The following NAALADL2 variants were observed in gnomAD, a reference collection of about 807,000 sequenced individuals.
NAALADL2 encodes N-acetylated alpha-linked acidic dipeptidase like 2.
NAALADL2 carries 76 observed loss-of-function variants against 87.2 expected under a neutral mutation model. The observed-to-expected ratio is 0.87, with a 90% CI of 0.72 to 1.05. The LOEUF is 1.05. Among genes scored for constraint, NAALADL2 ranks in the 50% least tolerant of loss-of-function variants. The pLI, the probability that NAALADL2 is intolerant of heterozygous loss-of-function variation, is 0.00. For missense variants in NAALADL2, 1,089 were observed against 945.8 expected (o/e 1.15, Z -1.99); for synonymous variants, 354 against 331.0 (o/e 1.07, Z -0.75).
chr3:175,573,816 G>T (rs1718452187), intron 9 of NAALADL2, among the ~76,000 whole-genome samples: 1 of 152,156 alleles, frequency 6.6e-6, no homozygotes, highest in Non-Finnish European at 1.5e-5. Flanking sequence ...GAAGCAAATT[G>T]CTGGTGGGGG....
In NAALADL2 at chr3:174,476,157, G is replaced by T; in HGVS notation, c.-184+35125G>T. ...GAGAATAACATCATAACTTGTCAAA[G>T]ACCCCATGAAAATTTATTAATGTGT... On this transcript the variant is annotated intron_variant, in intron 1 of 3. Transcript: ENST00000434257. Among the ~76,000 whole-genome samples the T allele has an allele frequency of 1.3e-5, 2 of 151,620 alleles. 1 individual carries two copies. Among genetic ancestry groups the T allele is most frequent in the Non-Finnish European group, 3.0e-5 (2 of 67,796 alleles).
chr3:174,496,707 C>A (rs1046708126), intron 1 of NAALADL2, among the ~76,000 whole-genome samples: 2 of 151,950 alleles, frequency 1.3e-5, no homozygotes, highest in African/African-American at 2.4e-5. Context: ...GCTTATTATT[C>A]TGATGGGTAC....
chr3:175,320,231 C>CA (rs920317555), intron 4 of NAALADL2, among the ~76,000 whole-genome samples: 32 of 150,306 alleles, frequency 2.1e-4, no homozygotes, highest in East Asian at 9.7e-4. Context: ...AAGCTTTTTA[C>CA]AAAAAAAAAT....
At chr3:174,849,734 CAAAAAAAA>C in intron 3 of NAALADL2, among the ~76,000 whole-genome samples, 1 of 62,832 alleles carries the variant, frequency 1.6e-5, no homozygotes, top group East Asian at 5.7e-4. Flanking sequence ...GACTCTGACT[CAAAAAAAA>C]AAAAAAAAAA....
intron 4 of NAALADL2, among the ~76,000 whole-genome samples, chr3:175,302,096 A>G (rs1757156633): frequency 6.6e-6 from 1 of 152,290 alleles, no homozygotes; most frequent in South Asian, 2.1e-4. Flanking sequence ...TCTCATGTTT[A>G]AATGTGGGTA....
chr3:174,454,121 T>C (rs887637232), intron 1 of NAALADL2, among the ~76,000 whole-genome samples: 6 of 152,076 alleles, frequency 3.9e-5, no homozygotes, highest in Non-Finnish European at 5.9e-5. Context: ...CAAAAGACTA[T>C]AAGCCAACAA....
chr3:175,793,550 C>T (rs1447083801), intron 13 of NAALADL2, among the ~76,000 whole-genome samples: 2 of 151,860 alleles, frequency 1.3e-5, no homozygotes, highest in South Asian at 2.1e-4. Context: ...CTCCTGACCT[C>T]GTGATCTGCC....
intron 4 of NAALADL2, among the ~76,000 whole-genome samples, chr3:175,311,660 C>A (rs1758378378): frequency 6.7e-6 from 1 of 149,934 alleles, no homozygotes; most frequent in Non-Finnish European, 1.5e-5. Flanking sequence ...CCCTCCCTCC[C>A]TTCTTTCCTT....
At chr3:174,535,549 C>T (rs1039558475) in intron 1 of NAALADL2, among the ~76,000 whole-genome samples, 7 of 152,002 alleles carry the variant, frequency 4.6e-5, no homozygotes, top group Admixed American at 3.3e-4. Flanking sequence ...TGCTATGAAC[C>T]GGGAGCCGTA....
At chr3:174,601,441 C>G (rs932094392) in intron 2 of NAALADL2, among the ~76,000 whole-genome samples, 1 of 152,100 alleles carries the variant, frequency 6.6e-6, no homozygotes, top group African/African-American at 2.4e-5. Context: ...TGTATGTCTT[C>G]TTTTGAAAAG....
intron 2 of NAALADL2, among the ~76,000 whole-genome samples, chr3:174,585,951 A>G (rs1216504362): frequency 6.6e-6 from 1 of 152,184 alleles, no homozygotes; most frequent in Non-Finnish European, 1.5e-5. Flanking sequence ...GTACAATGGG[A>G]CTAATAATAC....
At chr3:174,919,462 C>T (rs763092309) in intron 1 of NAALADL2, among the ~76,000 whole-genome samples, 2 of 152,136 alleles carry the variant, frequency 1.3e-5, no homozygotes, top group Non-Finnish European at 2.9e-5. Context: ...ACTGTCTTTG[C>T]TCATCCATAA....
At chr3:174,958,033 A>C (rs535951244) in intron 1 of NAALADL2, among the ~76,000 whole-genome samples, 12 of 151,858 alleles carry the variant, frequency 7.9e-5, no homozygotes, top group Admixed American at 1.3e-4. Flanking sequence ...CATCCTATGC[A>C]TCGCCTCTTC....
At chr3:175,180,774 C>T (rs12696375) in intron 2 of NAALADL2, among the ~76,000 whole-genome samples, 110,383 of 151,082 alleles carry the variant, frequency 0.73, 40,878 homozygotes, top group Non-Finnish European at 0.8. Flanking sequence ...CTAAAGTGTA[C>T]TATTTGTTAT....
chr3:175,004,426 T>A (rs373581776), intron 1 of NAALADL2, among the ~76,000 whole-genome samples: 3 of 133,934 alleles, frequency 2.2e-5, no homozygotes, highest in African/African-American at 8.4e-5. Flanking sequence ...GTATCATAGG[T>A]AGAGACTGAA....
chr3:175,684,601 C>T (rs1353029920), intron 11 of NAALADL2, among the ~76,000 whole-genome samples: 1 of 152,040 alleles, frequency 6.6e-6, no homozygotes, highest in Non-Finnish European at 1.5e-5. Flanking sequence ...TGAGACCAGC[C>T]TGGACAACAT....
chr3:174,510,760 T>A (rs953421185), intron 1 of NAALADL2, among the ~76,000 whole-genome samples: 4 of 151,420 alleles, frequency 2.6e-5, no homozygotes, highest in Non-Finnish European at 4.4e-5. Context: ...ATTTTTTTAC[T>A]TTTTTTTAAC....
chr3:175,536,845 G>A (rs899443980), intron 9 of NAALADL2, among the ~76,000 whole-genome samples: 1 of 152,142 alleles, frequency 6.6e-6, no homozygotes, highest in Admixed American at 6.5e-5. Context: ...AGCCGGGCGT[G>A]GTGGCGGGCG....
chr3:175,021,314 T>TA (rs1196728853), intron 1 of NAALADL2, among the ~76,000 whole-genome samples: 10 of 152,190 alleles, frequency 6.6e-5, no homozygotes, highest in Middle Eastern at 3.4e-3. Flanking sequence ...GTGTTTCTAG[T>TA]ACCTGTATAG....
Sources: allele counts gnomAD v4.1 joint callset (sites outside exome capture counted in the v4.1 genomes callset), GRCh38; gene constraint gnomAD v4.1.1; transcripts MANE v1.5; gene names NCBI Gene and HGNC (gene_info 2026-07-23, HGNC 2026-07-21).